AGBL1: variants seen among roughly 807,000 people sequenced by gnomAD.
AGBL1 encodes the protein cytosolic carboxypeptidase 4.
AGBL1 carries 130 observed loss-of-function variants against 118.9 expected under a neutral mutation model. That is an observed-to-expected ratio of 1.09 (90% CI 0.95 to 1.26). The LOEUF (loss-of-function observed/expected upper bound fraction) is 1.26, where lower values mean the gene tolerates loss of function less well. Ranked by LOEUF, AGBL1 falls within the 50% of genes most tolerant of loss-of-function variation. AGBL1 has a pLI of 0.00. For missense variants in AGBL1, 1,584 were observed against 1,298.1 expected (o/e 1.22, Z -3.38); for synonymous variants, 555 against 478.9 (o/e 1.16, Z -2.08).
chr15:86,460,465 C>T (rs1362845376), intron 18 of AGBL1, among the ~76,000 whole-genome samples: 1 of 151,960 alleles, frequency 6.6e-6, no homozygotes, highest in Non-Finnish European at 1.5e-5. Context: ...CACTGCACTC[C>T]AGTCTGGGCA....
chr15:86,649,219 G>A (rs2085331707), intron 21 of AGBL1, among the ~76,000 whole-genome samples: 1 of 152,196 alleles, frequency 6.6e-6, no homozygotes, highest in East Asian at 1.9e-4. Context: ...GAAAGGCAGA[G>A]TATATGGAAA....
chr15:86,785,945 A>G (rs2141319297), intron 22 of AGBL1, among the ~76,000 whole-genome samples: 1 of 152,164 alleles, frequency 6.6e-6, no homozygotes, highest in African/African-American at 2.4e-5. Flanking sequence ...ATGGGAAGTG[A>G]TTTTAGTGTT....
At chr15:86,978,933 T>C (rs2081201254) in intron 23 of AGBL1, among the ~76,000 whole-genome samples, 1 of 152,200 alleles carries the variant, frequency 6.6e-6, no homozygotes, top group Non-Finnish European at 1.5e-5. Context: ...AGGAATCATT[T>C]AATGAGTTCT....
intron 5 of AGBL1, among the ~76,000 whole-genome samples, chr15:86,213,751 A>G (rs185980037): frequency 1.2e-3 from 176 of 152,260 alleles, no homozygotes; most frequent in South Asian, 1.0e-3. Context: ...TTATTTTTTT[A>G]TTATAAAAGA....
At chr15:86,366,798 T>A (rs530040867) in intron 17 of AGBL1, among the ~76,000 whole-genome samples, 1 of 152,296 alleles carries the variant, frequency 6.6e-6, no homozygotes, top group South Asian at 2.1e-4. Flanking sequence ...ACAAACTATA[T>A]GATCTTGGGG....
intron 23 of AGBL1, among the ~76,000 whole-genome samples, chr15:86,956,613 G>C (rs924000026): frequency 2.0e-5 from 3 of 152,160 alleles, no homozygotes; most frequent in African/African-American, 2.4e-5. Context: ...ATGTCATGGA[G>C]AGTGATCTGT....
At chr15:86,941,822 G>C (rs1166291056) in intron 23 of AGBL1, among the ~76,000 whole-genome samples, 1 of 152,224 alleles carries the variant, frequency 6.6e-6, no homozygotes, top group East Asian at 1.9e-4. Flanking sequence ...GCACACTACA[G>C]GAGCAGGCCC....
chr15:86,861,054 G>A (rs1165064459), intron 22 of AGBL1, among the ~76,000 whole-genome samples: 2 of 152,026 alleles, frequency 1.3e-5, no homozygotes, highest in East Asian at 3.9e-4. Flanking sequence ...GGGGTCTGTT[G>A]ATTTCATTGG....
At chr15:86,494,709 T>C (rs550749786) in intron 18 of AGBL1, among the ~76,000 whole-genome samples, 4 of 152,240 alleles carry the variant, frequency 2.6e-5, no homozygotes, top group Non-Finnish European at 5.9e-5. Context: ...TTTAGAACTA[T>C]CCTTGCTTGA....
intron 18 of AGBL1, among the ~76,000 whole-genome samples, chr15:86,468,403 G>C (rs904696056): frequency 6.6e-6 from 1 of 152,148 alleles, no homozygotes; most frequent in Non-Finnish European, 1.5e-5. Context: ...TAAGCTTGGG[G>C]TGTAGTTTCC....
Position 86,925,120 on chromosome 15 carries a change from GAA to G in AGBL1, c.3222-62866_3222-62865del, listed in dbSNP as rs1226006732. ...CTGTCAAGAAGAAGAAGAAGAAGAA[GAA>G]GAAGAGGAAGAGGAAGAGGAAGAGG... On this transcript the variant is annotated intron_variant, in intron 23 of 24. Transcript: ENST00000441037. 3.4e-3 allele frequency among the ~76,000 whole-genome samples: 245 copies of G among 72,926 alleles called. 3 individuals are homozygous for G. The highest frequency in any genetic ancestry group is 0.012 in the East Asian group (27 of 2,236). 47.8% of individuals were successfully genotyped at this position (72,926 alleles called of 152,430 possible). A position where few individuals can be genotyped will look rare whatever the true frequency, so the allele number is the denominator to read the frequency against.
chr15:86,562,161 G>C (rs2083834043), intron 21 of AGBL1, among the ~76,000 whole-genome samples: 1 of 152,150 alleles, frequency 6.6e-6, no homozygotes, highest in African/African-American at 2.4e-5. Flanking sequence ...TCTCCTGCCT[G>C]ATTGCCCTGG....
intron 5 of AGBL1, among the ~76,000 whole-genome samples, chr15:86,208,451 G>C (rs562341377): frequency 1.6e-4 from 24 of 152,216 alleles, no homozygotes; most frequent in Admixed American, 1.3e-3. Flanking sequence ...ATCTGGTCCT[G>C]GACTTTTTGG....
chr15:87,024,230 C>T (rs1040738677), intron 24 of AGBL1, among the ~76,000 whole-genome samples: 1 of 151,866 alleles, frequency 6.6e-6, no homozygotes, highest in Middle Eastern at 3.4e-3. Context: ...AACTGATAGA[C>T]CATTAGCAAG....
chr15:86,218,904 G>A (rs1317492216), intron 5 of AGBL1, among the ~76,000 whole-genome samples: 1 of 152,210 alleles, frequency 6.6e-6, no homozygotes, highest in Non-Finnish European at 1.5e-5. Flanking sequence ...CTTGATTGCA[G>A]CCTTGTCAGA....
intron 22 of AGBL1, among the ~76,000 whole-genome samples, chr15:86,840,636 G>C (rs904222742): frequency 6.6e-6 from 1 of 151,908 alleles, no homozygotes; most frequent in Non-Finnish European, 1.5e-5. Context: ...GTACAGACGG[G>C]GTTTCACCAT....
At chr15:86,332,097 G>GA (rs35178676) in intron 17 of AGBL1, among the ~76,000 whole-genome samples, 74,263 of 151,416 alleles carry the variant, frequency 0.49, 18,952 homozygotes, top group Non-Finnish European at 0.57. Flanking sequence ...ATGCAAATGG[G>GA]AAAAAAAAGC....
At chr15:86,836,525 A>G (rs1291200331) in intron 22 of AGBL1, among the ~76,000 whole-genome samples, 1 of 152,182 alleles carries the variant, frequency 6.6e-6, no homozygotes, top group East Asian at 1.9e-4. Context: ...AGGTCCTCCA[A>G]CAGTCTGTTC....
At position 86,616,339 on chromosome 15, in the gene AGBL1, C is replaced by CAAAAAA. The variant is rs199936794; in HGVS notation, c.2995-57906_2995-57901dup. 1.8e-4 allele frequency among the ~76,000 whole-genome samples: 9 copies of CAAAAAA among 49,258 alleles called. 1 individual carries two copies. Among genetic ancestry groups the CAAAAAA allele is most frequent in the African/African-American group, 5.7e-4 (8 of 14,066 alleles). The allele number at this position is 49,258 out of a possible 152,430, so 32.3% of individuals were successfully genotyped here. ...GTGACAGAGCAAGACTCCTCCACTT[C>CAAAAAA]AAAAAAAAAAAAAAAAAAAAAAAAA... On this transcript the variant is annotated intron_variant, in intron 21 of 22. Coordinates refer to ENST00000614907, the MANE Select transcript of AGBL1 (RefSeq NM_001386094.1).
Sources: gnomAD v4.1 joint callset for allele counts (sites outside exome capture counted in the v4.1 genomes callset) on GRCh38, gnomAD v4.1.1 for gene constraint, MANE v1.5 for transcripts, NCBI Gene and HGNC (gene_info 2026-07-23, HGNC 2026-07-21) for gene names.